Variants in WWOX observed in about 807,000 individuals in gnomAD.
The protein encoded by WWOX is WW domain-containing oxidoreductase.
In WWOX, 69 loss-of-function variants were observed where a neutral mutation model predicts 46.2. The ratio of observed to expected loss-of-function variants is 1.49; its 90% CI spans 1.23 to 1.82. WWOX has a LOEUF of 1.82. Among genes scored for constraint, WWOX ranks in the 40% most tolerant of loss-of-function variants. WWOX has a pLI of 0.00. For missense variants in WWOX, 919 were observed against 542.6 expected, an observed-to-expected ratio of 1.69 and a Z score of -6.89; for synonymous variants, 359 against 202.6, an observed-to-expected ratio of 1.77 and a Z score of -6.56.
intron 8 of WWOX, among the ~76,000 whole-genome samples, chr16:78,702,853 C>A (rs995481554): frequency 1.3e-5 from 2 of 152,058 alleles, no homozygotes; most frequent in Non-Finnish European, 2.9e-5. Flanking sequence ...TGTCCTTTTC[C>A]ACCATTGTTA....
rs1216788886 is a variant in WWOX at position 78,339,793 on chromosome 16, C to A, written c.517-47067C>A. On this transcript the variant is annotated intron_variant, in intron 5 of 8. Transcript: ENST00000566780. ...CGGGAAGTACAAACCCTTGTGACCG[C>A]TGTTCTCTTTCATTTCTATCTGCTT... Among the ~76,000 whole-genome samples the A allele has an allele frequency of 4.3e-5, 5 of 117,080 alleles. 2 individuals carry two copies. The highest frequency in any genetic ancestry group is 1.0e-4 in the Non-Finnish European group (5 of 49,438). 76.8% of individuals were successfully genotyped at this position (117,080 alleles called of 152,430 possible).
At chr16:78,536,795 C>G (rs2043769270) in intron 8 of WWOX, among the ~76,000 whole-genome samples, 1 of 151,710 alleles carries the variant, frequency 6.6e-6, no homozygotes, top group African/African-American at 2.4e-5. Context: ...TGGATTATTT[C>G]TCTTTTTTAA....
At chr16:78,979,104 A>C (rs970046415) in intron 8 of WWOX, among the ~76,000 whole-genome samples, 1 of 134,458 alleles carries the variant, frequency 7.4e-6, no homozygotes, top group Non-Finnish European at 1.5e-5. Context: ...TTTTTTCCCT[A>C]TACAGACACA....
chr16:78,642,410 C>G (rs574690610), intron 8 of WWOX, among the ~76,000 whole-genome samples: 1 of 152,298 alleles, frequency 6.6e-6, no homozygotes, highest in African/African-American at 2.4e-5. Context: ...TCTCTCCTTG[C>G]TTCTTTCTCT....
chr16:78,698,865 C>A (rs541066341), intron 8 of WWOX, among the ~76,000 whole-genome samples: 29 of 152,166 alleles, frequency 1.9e-4, no homozygotes, highest in African/African-American at 7.0e-4. Context: ...AACAAACAAA[C>A]CTTAAGTTTT....
chr16:78,640,312 T>G (rs1227963482), intron 8 of WWOX, among the ~76,000 whole-genome samples: 6 of 142,796 alleles, frequency 4.2e-5, no homozygotes, highest in African/African-American at 1.6e-4. Context: ...AATGTTTCAC[T>G]TCCAAATCCA....
intron 8 of WWOX, among the ~76,000 whole-genome samples, chr16:78,638,759 G>T (rs6564571): frequency 6.6e-6 from 1 of 151,944 alleles, no homozygotes; most frequent in Non-Finnish European, 1.5e-5. Context: ...CTCTCTCTGG[G>T]TTGGGAGGAG....
chr16:78,948,386 T>C (rs1003700788), intron 8 of WWOX, among the ~76,000 whole-genome samples: 1 of 152,168 alleles, frequency 6.6e-6, no homozygotes, highest in Non-Finnish European at 1.5e-5. Context: ...ACCTAACAGA[T>C]CTCAGAACTT....
intron 5 of WWOX, among the ~76,000 whole-genome samples, chr16:78,244,608 A>AG (rs754173270): frequency 2.6e-5 from 4 of 152,182 alleles, no homozygotes; most frequent in South Asian, 2.1e-4. Flanking sequence ...ATCTCTGGAA[A>AG]GGATTAAGTG....
chr16:78,510,860 G>A (rs1228246244), intron 8 of WWOX, among the ~76,000 whole-genome samples: 5 of 152,234 alleles, frequency 3.3e-5, no homozygotes, highest in African/African-American at 7.2e-5. Context: ...GTTTGAGGAT[G>A]CATGACCTGT....
chr16:78,510,340 G>A (rs2085332063), intron 8 of WWOX, among the ~76,000 whole-genome samples: 1 of 152,080 alleles, frequency 6.6e-6, no homozygotes, highest in African/African-American at 2.4e-5. Flanking sequence ...CAAGTACCTG[G>A]GATTATAGAC....
In WWOX at chr16:78,386,262, T is replaced by C. The variant is rs566962959; in HGVS notation, c.517-598T>C. Among the ~76,000 whole-genome samples the C allele has an allele frequency of 1.1e-4, 17 of 152,276 alleles. No homozygotes were observed. In the East Asian group the frequency reaches 1.4e-3, roughly 12 times the overall value. The stretch of plus-strand genomic sequence containing the variant: ...AGTACACAGTAGCCATTATTACCAT[T>C]ATTATTCCTATCACCAGCATGTATT... On this transcript the variant is annotated intron_variant, in intron 5 of 8. Coordinates refer to ENST00000566780, the MANE Select transcript of WWOX (RefSeq NM_016373.4).
chr16:78,719,577 TAAAAG>T (rs562488192), intron 8 of WWOX, among the ~76,000 whole-genome samples: 4 of 152,202 alleles, frequency 2.6e-5, no homozygotes, highest in East Asian at 1.9e-4. Flanking sequence ...AAGGTTACCT[TAAAAG>T]AAAAGAGACC....
At chr16:78,815,921 C>T (rs922613655) in intron 8 of WWOX, among the ~76,000 whole-genome samples, 2 of 152,156 alleles carry the variant, frequency 1.3e-5, no homozygotes, top group Admixed American at 6.5e-5. Context: ...TCTCCCCAAC[C>T]CATTCACTGG....
chr16:79,063,047 A>T (rs990541318), intron 8 of WWOX, among the ~76,000 whole-genome samples: 3 of 152,200 alleles, frequency 2.0e-5, no homozygotes, highest in African/African-American at 7.2e-5. Flanking sequence ...AAGAAGAGGG[A>T]GGTTGATAAA....
chr16:78,358,819 T>G (rs1291338312), intron 5 of WWOX, among the ~76,000 whole-genome samples: 1 of 149,212 alleles, frequency 6.7e-6, no homozygotes, highest in South Asian at 2.1e-4. Context: ...TCTTTCTGAC[T>G]TTTTAAAATT....
intron 8 of WWOX, among the ~76,000 whole-genome samples, chr16:78,560,958 CT>C (rs2044420932): frequency 6.6e-6 from 1 of 152,152 alleles, no homozygotes; most frequent in African/African-American, 2.4e-5. Context: ...GATCAGAAGC[CT>C]AGACACAATG....
rs762534798 is a variant in WWOX at position 78,707,883 on chromosome 16, AAATAAAGT to A, written c.1056+275133_1056+275140del. Among the ~76,000 whole-genome samples the A allele has an allele frequency of 3.0e-3, 427 of 141,888 alleles. 1 individual carries two copies. Among genetic ancestry groups the A allele is most frequent in the Middle Eastern group, 7.4e-3 (2 of 270 alleles). The allele number at this position is 141,888 out of a possible 152,430, so 93.1% of individuals were successfully genotyped here. A position where few individuals can be genotyped will look rare whatever the true frequency, so the allele number is the denominator to read the frequency against. On this transcript the variant is annotated intron_variant, in intron 8 of 8. Coordinates refer to ENST00000566780, the MANE Select transcript of WWOX (RefSeq NM_016373.4). Reference sequence around the variant, plus strand: ...TAAATAAATAAATAAATAAATAAATAAATAAAGTATCTGTCCCCAAGTCACAATGCTAT... The same window carrying A: ...TAAATAAATAAATAAATAAATAAATAATCTGTCCCCAAGTCACAATGCTAT...
intron 8 of WWOX, among the ~76,000 whole-genome samples, chr16:78,729,410 C>A (rs182590513): frequency 1.3e-5 from 2 of 151,776 alleles, no homozygotes; most frequent in Admixed American, 1.3e-4. Context: ...TCCTGTAACA[C>A]GTGGATATGC....
Sources: allele counts gnomAD v4.1 joint callset (sites outside exome capture counted in the v4.1 genomes callset), GRCh38; gene constraint gnomAD v4.1.1; transcripts MANE v1.5; gene names NCBI Gene and HGNC (gene_info 2026-07-23, HGNC 2026-07-21).